Variants in PRKCA observed in about 807,000 individuals in gnomAD.
The protein encoded by PRKCA is protein kinase C alpha type.
Under a neutral mutation model 87.0 loss-of-function variants are expected in PRKCA, and 27 were observed. That is an observed-to-expected ratio of 0.31 (90% CI 0.23 to 0.43). The LOEUF (loss-of-function observed/expected upper bound fraction) is 0.43, where lower values mean the gene tolerates loss of function less well. Among genes scored for constraint, PRKCA ranks in the 20% least tolerant of loss-of-function variants. PRKCA has a pLI of 1.00. For synonymous variants in PRKCA, 329 were observed against 311.1 expected, an observed-to-expected ratio of 1.06 and a Z score of -0.61; for missense variants, 518 against 852.3, an observed-to-expected ratio of 0.61 and a Z score of 4.88.
chr17:66,566,099 A>G (rs1464016420), intron 3 of PRKCA, among the ~76,000 whole-genome samples: 1 of 152,176 alleles, frequency 6.6e-6, no homozygotes, highest in Non-Finnish European at 1.5e-5. Flanking sequence ...TGGGGTATCC[A>G]GAGTCCTTGG....
At chr17:66,548,464 A>C (rs1194488093) in intron 3 of PRKCA, among the ~76,000 whole-genome samples, 4 of 152,188 alleles carry the variant, frequency 2.6e-5, no homozygotes, top group African/African-American at 7.2e-5. Context: ...ACAAATGAGG[A>C]CTTAGCAAGC....
intron 2 of PRKCA, among the ~76,000 whole-genome samples, chr17:66,472,499 A>G (rs1234336816): frequency 2.0e-5 from 3 of 152,126 alleles, no homozygotes; most frequent in Admixed American, 6.5e-5. Flanking sequence ...CTCTGTTTTT[A>G]TCAAGGGAAC....
intron 2 of PRKCA, among the ~76,000 whole-genome samples, chr17:66,387,000 TTCTC>T (rs1910099195): frequency 6.6e-6 from 1 of 152,232 alleles, no homozygotes; most frequent in South Asian, 2.1e-4. Flanking sequence ...GTGTTTGAGT[TTCTC>T]TCTTGCAACA....
At chr17:66,737,486 T>G (rs1974063738) in intron 10 of PRKCA, among the ~76,000 whole-genome samples, 1 of 152,228 alleles carries the variant, frequency 6.6e-6, no homozygotes, top group Admixed American at 6.5e-5. Flanking sequence ...TAGCTGTAAT[T>G]GATGCGATTA....
intron 2 of PRKCA, among the ~76,000 whole-genome samples, chr17:66,410,103 G>T (rs1311835896): frequency 1.3e-5 from 2 of 152,090 alleles, no homozygotes; most frequent in African/African-American, 4.8e-5. Flanking sequence ...GTGAGGACTG[G>T]TTCAATATCT....
chr17:66,722,306 A>G (rs1047048654), intron 8 of PRKCA, among the ~76,000 whole-genome samples: 12 of 151,190 alleles, frequency 7.9e-5, no homozygotes, highest in African/African-American at 3.0e-4. Context: ...CTTTTAACCT[A>G]TTAGAAAATG....
chr17:66,502,606 C>G (rs1330944347), intron 3 of PRKCA, among the ~76,000 whole-genome samples: 3 of 151,900 alleles, frequency 2.0e-5, no homozygotes, highest in Non-Finnish European at 4.4e-5. Flanking sequence ...CAGAATAATA[C>G]CAAGCTCAGT....
intron 3 of PRKCA, among the ~76,000 whole-genome samples, chr17:66,552,684 T>G (rs1487146336): frequency 6.6e-6 from 1 of 152,178 alleles, no homozygotes; most frequent in Non-Finnish European, 1.5e-5. Context: ...GCAGTCATGG[T>G]CTTTTATACT....
At chr17:66,303,256 G>A (rs1182106810) in intron 1 of PRKCA, among the ~76,000 whole-genome samples, 3 of 151,976 alleles carry the variant, frequency 2.0e-5, no homozygotes, top group Non-Finnish European at 2.9e-5. Flanking sequence ...AGGGAGGCTG[G>A]CCCCGTACGG....
intron 13 of PRKCA, among the ~76,000 whole-genome samples, chr17:66,771,700 A>T (rs1311915198): frequency 2.0e-5 from 3 of 152,062 alleles, no homozygotes; most frequent in Non-Finnish European, 4.4e-5. Context: ...GGTTCAAGCG[A>T]TTCTCCTACC....
chr17:66,682,680 T>C (rs148021061), intron 5 of PRKCA, among the ~76,000 whole-genome samples: 67 of 152,130 alleles, frequency 4.4e-4, no homozygotes, highest in Middle Eastern at 3.4e-3. Flanking sequence ...TCATTTTCAA[T>C]AGTGTGTGTA....
At chr17:66,495,459 C>T (rs933552393) in intron 2 of PRKCA, among the ~76,000 whole-genome samples, 1 of 152,030 alleles carries the variant, frequency 6.6e-6, no homozygotes, top group African/African-American at 2.4e-5. Flanking sequence ...TTATTTCAAC[C>T]ACGGAATACA....
At chr17:66,363,000 C>G (rs187900564) in intron 2 of PRKCA, among the ~76,000 whole-genome samples, 1 of 152,102 alleles carries the variant, frequency 6.6e-6, no homozygotes, top group Non-Finnish European at 1.5e-5. Context: ...GGCTGCCTTG[C>G]GGGCTTTTAG....
At chr17:66,395,191 G>T (rs1165374317) in intron 2 of PRKCA, among the ~76,000 whole-genome samples, 3 of 152,072 alleles carry the variant, frequency 2.0e-5, no homozygotes, top group Non-Finnish European at 4.4e-5. Flanking sequence ...AAACCAACAG[G>T]ACCGTTTCAG....
At chr17:66,579,546 CAT>C (rs1358694818) in intron 3 of PRKCA, among the ~76,000 whole-genome samples, 1 of 152,174 alleles carries the variant, frequency 6.6e-6, no homozygotes, top group African/African-American at 2.4e-5. Context: ...CCACTGCACA[CAT>C]GTGAAAACTG....
intron 3 of PRKCA, among the ~76,000 whole-genome samples, chr17:66,614,059 G>A (rs1970450820): frequency 6.6e-6 from 1 of 152,044 alleles, no homozygotes. Context: ...CCCGAGTGCT[G>A]GGATTACAGG....
chr17:66,430,710 T>C (rs1245640702), intron 2 of PRKCA, among the ~76,000 whole-genome samples: 4 of 152,108 alleles, frequency 2.6e-5, no homozygotes, highest in Non-Finnish European at 4.4e-5. Context: ...TTTGCCCTTC[T>C]CTACCATTCC....
chr17:66,645,257 A>T, intron 4 of PRKCA, 126 bp from the exon 5 acceptor site: 1 of 1,347,950 alleles, frequency 7.4e-7, no homozygotes, highest in Non-Finnish European at 1.0e-6. Flanking sequence ...TATGTCACCA[A>T]AAACATTATA....
At chr17:66,674,828 G>A (rs1972283174) in intron 5 of PRKCA, among the ~76,000 whole-genome samples, 1 of 152,180 alleles carries the variant, frequency 6.6e-6, no homozygotes, top group African/African-American at 2.4e-5. Flanking sequence ...TGCCTGGGCT[G>A]CCACCCACAA....
Sources: allele counts gnomAD v4.1 joint callset (sites outside exome capture counted in the v4.1 genomes callset), GRCh38; gene constraint gnomAD v4.1.1; transcripts MANE v1.5; gene names NCBI Gene and HGNC (gene_info 2026-07-23, HGNC 2026-07-21).